The following CUL1 variants were observed in gnomAD, a reference collection of about 807,000 sequenced individuals.
CUL1 encodes cullin 1, also known as cullin-1.
A neutral mutation model predicts 118.0 loss-of-function variants in CUL1; 24 were observed. That is an observed-to-expected ratio of 0.20 (90% confidence interval 0.15 to 0.29). The LOEUF is 0.29. Ranked by LOEUF, CUL1 falls within the 10% of genes least tolerant of loss-of-function variation. The probability of loss-of-function intolerance (pLI) is 1.00; values close to 1 mark genes in which losing one functional copy is unlikely to be tolerated. For missense variants in CUL1, 361 were observed against 933.8 expected, an observed-to-expected ratio of 0.39 and a Z score of 7.99; for synonymous variants, 332 against 340.4, an observed-to-expected ratio of 0.98 and a Z score of 0.27.
intron 9 of CUL1, 83 bp downstream of exon 9, chr7:148,767,832 C>A: frequency 1.5e-6 from 2 of 1,360,738 alleles, no homozygotes; most frequent in Non-Finnish European, 2.0e-6. Flanking sequence ...TCTCTACTTC[C>A]AAATCTAAAT....
intron 1 of CUL1, among the ~76,000 whole-genome samples, chr7:148,714,748 C>T (rs1160328466): frequency 6.6e-6 from 1 of 152,108 alleles, no homozygotes; most frequent in Non-Finnish European, 1.5e-5. Context: ...CATGAACACA[C>T]CTGGGCAGAA....
chr7:148,733,676 C>T (rs1798843647), intron 2 of CUL1, among the ~76,000 whole-genome samples: 1 of 152,186 alleles, frequency 6.6e-6, no homozygotes, highest in African/African-American at 2.4e-5. Context: ...CAGTGCCTCT[C>T]ACTGTTCTAG....
chr7:148,724,478 A>T (rs1798496249), intron 1 of CUL1, among the ~76,000 whole-genome samples: 1 of 152,204 alleles, frequency 6.6e-6, no homozygotes. Context: ...GTAAAAACTC[A>T]TGCGGGCTCC....
intron 1 of CUL1, among the ~76,000 whole-genome samples, chr7:148,726,122 T>C (rs1441707342): frequency 6.6e-6 from 1 of 152,174 alleles, no homozygotes; most frequent in African/African-American, 2.4e-5. Context: ...TTGTATTTGA[T>C]CTCATAGATT....
intron 14 of CUL1, 96 bp downstream of exon 14, chr7:148,788,770 T>C (rs1800904821): frequency 1.3e-6 from 1 of 797,810 alleles, no homozygotes; most frequent in Non-Finnish European, 2.1e-6. Flanking sequence ...GGGAGGGGCT[T>C]TGTCAGAAAT....
At chr7:148,788,197 G>A (rs1461438756) in intron 13 of CUL1, among the ~76,000 whole-genome samples, 1 of 152,214 alleles carries the variant, frequency 6.6e-6, no homozygotes, top group Non-Finnish European at 1.5e-5. Context: ...GGAGGTTTGG[G>A]CTTCAACATA....
rs761236642 is a variant in CUL1, at chr7:148,792,771, G to A, written c.1852G>A (p.Asp618Asn). The A allele has an allele frequency of 2.5e-6, 4 of 1,613,456 alleles. No individual in the cohort carries two copies. Among genetic ancestry groups the A allele is most frequent in the African/African-American group, 2.7e-5 (2 of 74,944 alleles). Residue 618 changes from aspartate (D) to asparagine (N), a missense_variant, in exon 17 of 22, where the codon GAT becomes AAT. By Grantham distance (23) the Asp-to-Asn change is conservative. Coordinates refer to ENST00000325222, the MANE Select transcript of CUL1 (RefSeq NM_003592.3). ...TATCCTGCTTCAGTACAACACGGAAGATGCCTACACTGTGCAGCAGCTGAC... is the reference window on the plus strand; with the variant it reads ...TATCCTGCTTCAGTACAACACGGAAAATGCCTACACTGTGCAGCAGCTGAC... ...MAILLQYNTEDAYTVQQLTDS... is the reference protein window; with the variant it reads ...MAILLQYNTENAYTVQQLTDS...
chr7:148,766,805 C>A, intron 8 of CUL1, 82 bp downstream of exon 8: 1 of 1,197,192 alleles, frequency 8.4e-7, no homozygotes, highest in Non-Finnish European at 1.2e-6. Context: ...ACTCTCGAGT[C>A]AACGGCATTA....
At chr7:148,706,547 C>CAA (rs979241716) in intron 1 of CUL1, among the ~76,000 whole-genome samples, 1 of 151,540 alleles carries the variant, frequency 6.6e-6, no homozygotes, top group Non-Finnish European at 1.5e-5. Context: ...ACAAGGGACT[C>CAA]AAAACACACA....
At chr7:148,734,476 T>A (rs961225771) in intron 2 of CUL1, among the ~76,000 whole-genome samples, 1 of 152,214 alleles carries the variant, frequency 6.6e-6, no homozygotes, top group African/African-American at 2.4e-5. Flanking sequence ...ACTCCTCGAC[T>A]CAAGTTATCC....
intron 2 of CUL1, among the ~76,000 whole-genome samples, chr7:148,742,316 CA>C (rs1233190780): frequency 6.6e-6 from 1 of 152,084 alleles, no homozygotes; most frequent in Non-Finnish European, 1.5e-5. Context: ...TGGTAGAAGG[CA>C]AAGGAGAAGC....
At chr7:148,704,158 C>T (rs59416714) in intron 1 of CUL1, among the ~76,000 whole-genome samples, 1 of 129,150 alleles carries the variant, frequency 7.7e-6, no homozygotes, top group Admixed American at 8.0e-5. Flanking sequence ...CAAAAGCGGC[C>T]CCCCCCCACC....
At chr7:148,719,351 C>G (rs756960285) in intron 1 of CUL1, among the ~76,000 whole-genome samples, 1 of 151,998 alleles carries the variant, frequency 6.6e-6, no homozygotes, top group Non-Finnish European at 1.5e-5. Flanking sequence ...CTCTAGGAAG[C>G]CATCTATTAG....
chr7:148,755,814 C>T (rs771031524), intron 3 of CUL1, among the ~76,000 whole-genome samples: 4 of 152,116 alleles, frequency 2.6e-5, no homozygotes, highest in Admixed American at 1.3e-4. Context: ...AGAGATGATC[C>T]GGTTTTTACA....
chr7:148,700,627 A>G (rs1403423908), intron 1 of CUL1, among the ~76,000 whole-genome samples: 1 of 152,204 alleles, frequency 6.6e-6, no homozygotes, highest in Non-Finnish European at 1.5e-5. Flanking sequence ...TCAAATTCCA[A>G]AGCATGCAAA....
intron 1 of CUL1, among the ~76,000 whole-genome samples, chr7:148,717,532 C>T (rs1798253550): frequency 6.6e-6 from 1 of 151,962 alleles, no homozygotes; most frequent in Non-Finnish European, 1.5e-5. Flanking sequence ...GGGCCTCTCT[C>T]TTTCCATTGC....
chr7:148,702,646 T>C (rs1385244990), intron 1 of CUL1, among the ~76,000 whole-genome samples: 1 of 152,220 alleles, frequency 6.6e-6, no homozygotes, highest in East Asian at 1.9e-4. Flanking sequence ...GCTTCAGCGC[T>C]ATTGCAGTTC....
intron 1 of CUL1, among the ~76,000 whole-genome samples, chr7:148,717,816 G>A (rs879063692): frequency 1.3e-5 from 2 of 151,964 alleles, no homozygotes; most frequent in Admixed American, 1.3e-4. Flanking sequence ...TTCTGTAAAG[G>A]CTTCCTGATC....
chr7:148,717,000 A>G (rs759660385), intron 1 of CUL1, among the ~76,000 whole-genome samples: 74 of 152,164 alleles, frequency 4.9e-4, no homozygotes, highest in Non-Finnish European at 1.6e-4. Context: ...ACCATGGAAC[A>G]TTTCTTCAGC....
Sources: gnomAD v4.1 joint callset for allele counts (sites outside exome capture counted in the v4.1 genomes callset) on GRCh38, gnomAD v4.1.1 for gene constraint, MANE v1.5 for transcripts, NCBI Gene and HGNC (gene_info 2026-07-23, HGNC 2026-07-21) for gene names.